Variants in AFG2A observed in about 807,000 individuals in gnomAD.
The protein encoded by AFG2A is AAA ATPase AFG2A.
the AFG2A span, among the ~76,000 whole-genome samples, chr4:123,026,105 ATGTGTGTGTG>A: frequency 4.7e-4 from 70 of 148,664 alleles, no homozygotes; most frequent in East Asian, 6.0e-4. Context: ...GTGTATGTGT[ATGTGTGTGTG>A]TGTGTGTGTG....
chr4:123,229,819 G>A, the AFG2A span, among the ~76,000 whole-genome samples: 2 of 151,794 alleles, frequency 1.3e-5, no homozygotes, highest in Admixed American at 6.6e-5. Context: ...GGTGCTCTGA[G>A]GAGAAATTTG....
At chr4:123,144,205 C>T in the AFG2A span, among the ~76,000 whole-genome samples, 2 of 151,940 alleles carry the variant, frequency 1.3e-5, no homozygotes, top group Non-Finnish European at 2.9e-5. Context: ...GTTATACTGC[C>T]TTATAGATCT....
chr4:122,982,609 G>A, the AFG2A span, among the ~76,000 whole-genome samples: 5 of 152,130 alleles, frequency 3.3e-5, no homozygotes, highest in South Asian at 6.2e-4. Flanking sequence ...ATAACTTCTC[G>A]GGTCTTGGAG....
the AFG2A span, among the ~76,000 whole-genome samples, chr4:123,167,300 CCTTT>C: frequency 6.6e-6 from 1 of 150,724 alleles, no homozygotes. Context: ...TCCTACTTAG[CCTTT>C]CTTTCTCCAT....
the AFG2A span, among the ~76,000 whole-genome samples, chr4:122,948,572 C>A: frequency 6.6e-6 from 1 of 151,898 alleles, no homozygotes; most frequent in Non-Finnish European, 1.5e-5. Context: ...CATGCTGGAC[C>A]CCTATTAACT....
chr4:123,035,815 C>T, the AFG2A span, among the ~76,000 whole-genome samples: 1 of 151,794 alleles, frequency 6.6e-6, no homozygotes, highest in Non-Finnish European at 1.5e-5. Flanking sequence ...AAACCTTTAG[C>T]ATTTGGAATC....
the AFG2A span, among the ~76,000 whole-genome samples, chr4:123,067,539 AAAG>A: frequency 2.0e-5 from 3 of 152,238 alleles, no homozygotes; most frequent in South Asian, 6.2e-4. Flanking sequence ...GAAAGAGAGA[AAAG>A]AAAATGAACA....
At chr4:123,143,344 T>C in the AFG2A span, among the ~76,000 whole-genome samples, 1 of 152,126 alleles carries the variant, frequency 6.6e-6, no homozygotes, top group Non-Finnish European at 1.5e-5. Flanking sequence ...CAGTCGTCGC[T>C]ATTACATTAA....
chr4:123,264,306 C>A, the AFG2A span, among the ~76,000 whole-genome samples: 1 of 152,032 alleles, frequency 6.6e-6, no homozygotes, highest in African/African-American at 2.4e-5. Flanking sequence ...GAAATCACCA[C>A]TAAAGAACTT....
chr4:123,268,683 G>A, the AFG2A span, among the ~76,000 whole-genome samples: 1 of 152,118 alleles, frequency 6.6e-6, no homozygotes, highest in African/African-American at 2.4e-5. Context: ...CATATGTGAA[G>A]ATGGAATAAA....
chr4:123,234,971 G>C, the AFG2A span, among the ~76,000 whole-genome samples: 1 of 152,114 alleles, frequency 6.6e-6, no homozygotes, highest in Admixed American at 6.6e-5. Context: ...ACTCATTCAT[G>C]AATTTTATGT....
At chr4:123,043,142 C>A in the AFG2A span, among the ~76,000 whole-genome samples, 3 of 152,242 alleles carry the variant, frequency 2.0e-5, no homozygotes, top group African/African-American at 4.8e-5. Context: ...TAAGGATATG[C>A]CATTCTAGCT....
At chr4:122,928,874 A>G in the AFG2A span, among the ~76,000 whole-genome samples, 19 of 152,354 alleles carry the variant, frequency 1.2e-4, no homozygotes, top group African/African-American at 4.6e-4. Context: ...TTTTTAAAAA[A>G]TGCAATTTAT....
At chr4:123,106,113 C>T in the AFG2A span, among the ~76,000 whole-genome samples, 1 of 152,196 alleles carries the variant, frequency 6.6e-6, no homozygotes, top group South Asian at 2.1e-4. Flanking sequence ...CAGCAACTAC[C>T]ACCCTGATCA....
chr4:123,090,550 TA>T, the AFG2A span: 5 of 1,612,450 alleles, frequency 3.1e-6, no homozygotes, highest in Admixed American at 1.7e-5. Flanking sequence ...TAAGTAAAGA[TA>T]TTTTTTAAAC....
At chr4:123,230,433 C>G in the AFG2A span, among the ~76,000 whole-genome samples, 1 of 151,876 alleles carries the variant, frequency 6.6e-6, no homozygotes, top group Non-Finnish European at 1.5e-5. Context: ...GCAATTCAGT[C>G]ATAATTTCAG....
the AFG2A span, among the ~76,000 whole-genome samples, chr4:123,233,691 T>C: frequency 6.6e-6 from 1 of 151,864 alleles, no homozygotes; most frequent in African/African-American, 2.4e-5. Flanking sequence ...CAATAATAAA[T>C]GAGTTCTGCA....
chr4:122,992,113 C>T, the AFG2A span, among the ~76,000 whole-genome samples: 1 of 152,216 alleles, frequency 6.6e-6, no homozygotes, highest in Non-Finnish European at 1.5e-5. Context: ...TTTAAAATTA[C>T]TGCCAGTGGG....
the AFG2A span, among the ~76,000 whole-genome samples, chr4:123,134,166 A>G: frequency 6.6e-6 from 1 of 151,914 alleles, no homozygotes; most frequent in African/African-American, 2.4e-5. Context: ...TGTGCTTTTG[A>G]GGTTATATCC....
Sources: gnomAD v4.1 joint callset for allele counts (sites outside exome capture counted in the v4.1 genomes callset) on GRCh38, gnomAD v4.1.1 for gene constraint, MANE v1.5 for transcripts, NCBI Gene and HGNC (gene_info 2026-07-23, HGNC 2026-07-21) for gene names.